TMEM108: variants seen among roughly 807,000 people sequenced by gnomAD.
The protein encoded by TMEM108 is transmembrane protein 108.
A neutral mutation model predicts 35.1 loss-of-function variants in TMEM108; 12 were observed. The ratio of observed to expected loss-of-function variants is 0.34; its 90% CI spans 0.22 to 0.55. The LOEUF (loss-of-function observed/expected upper bound fraction) is 0.55. Ranked by LOEUF, TMEM108 falls within the 20% of genes least tolerant of loss-of-function variation. The pLI is 0.89. For synonymous variants in TMEM108, 287 were observed against 308.6 expected (o/e 0.93, Z 0.73); for missense variants, 680 against 753.3 (o/e 0.90, Z 1.14).
chr3:133,293,882 A>G (rs1201320082), intron 3 of TMEM108, among the ~76,000 whole-genome samples: 3 of 152,150 alleles, frequency 2.0e-5, no homozygotes, highest in Non-Finnish European at 4.4e-5. Context: ...GAGGTTGTCA[A>G]CTTGAATTTT....
In TMEM108 at chr3:133,216,045, G is replaced by A. The variant is rs542985803; in HGVS notation, c.-46-13221G>A. ...GTTTTAGTATCTGATAAGGCCAGCA[G>A]TTGCCCCCACACCACCTTGTTTTTT... On this transcript the variant is annotated intron_variant, in intron 2 of 5. Coordinates refer to ENST00000321871, the MANE Select transcript of TMEM108 (RefSeq NM_023943.4). 3.3e-5 allele frequency among the ~76,000 whole-genome samples: 5 copies of A among 152,096 alleles called. No individual in the cohort carries two copies. The South Asian group carries it at 1.0e-3, about 32-fold the overall frequency.
intron 2 of TMEM108, among the ~76,000 whole-genome samples, chr3:133,128,204 C>A (rs557963059): frequency 2.2e-4 from 33 of 152,146 alleles, no homozygotes; most frequent in Non-Finnish European, 4.7e-4. Context: ...CTCTTGGGTA[C>A]CTGGCACTTG....
Position 133,254,284 on chromosome 3 carries a change from G to A in TMEM108, c.40+24933G>A, listed in dbSNP as rs544783747. ...TGAACAAACCTATTGGTCAGTAGTGGCTCTTAGTGGAGAAAAAAATAGTGA... is the reference window on the plus strand; with the variant it reads ...TGAACAAACCTATTGGTCAGTAGTGACTCTTAGTGGAGAAAAAAATAGTGA... On this transcript the variant is annotated intron_variant, in intron 3 of 5. Coordinates refer to ENST00000321871, the MANE Select transcript of TMEM108 (RefSeq NM_023943.4). Among the ~76,000 whole-genome samples, 12 of 152,324 alleles carry A rather than the reference G, an allele frequency of 7.9e-5. No homozygotes were observed. The East Asian group carries it at 2.3e-3, about 29-fold the overall frequency.
intron 2 of TMEM108, among the ~76,000 whole-genome samples, chr3:133,203,899 A>G (rs942387659): frequency 1.3e-5 from 2 of 152,170 alleles, no homozygotes; most frequent in Non-Finnish European, 2.9e-5. Flanking sequence ...CCTCTGGTAA[A>G]ATTCAGCTGT....
chr3:133,139,615 C>T (rs896565851), intron 2 of TMEM108, among the ~76,000 whole-genome samples: 3 of 152,194 alleles, frequency 2.0e-5, no homozygotes, highest in East Asian at 1.9e-4. Context: ...TTCCTGTGTA[C>T]GCACAGCTTT....
intron 3 of TMEM108, among the ~76,000 whole-genome samples, chr3:133,290,640 CAAAT>C (rs1947050272): frequency 6.6e-6 from 1 of 150,954 alleles, no homozygotes; most frequent in Non-Finnish European, 1.5e-5. Context: ...ACAAAACAAA[CAAAT>C]AAACAAAAAA....
At chr3:133,113,500 C>G (rs1429781737) in intron 2 of TMEM108, among the ~76,000 whole-genome samples, 2 of 152,092 alleles carry the variant, frequency 1.3e-5, no homozygotes, top group South Asian at 2.1e-4. Context: ...GAGAATGACT[C>G]TTTTATGCAT....
chr3:133,131,055 A>C (rs1333072940), intron 2 of TMEM108, among the ~76,000 whole-genome samples: 1 of 152,162 alleles, frequency 6.6e-6, no homozygotes, highest in African/African-American at 2.4e-5. Context: ...GTGTTCCTGA[A>C]TTGTCATCAG....
chr3:133,293,823 A>G (rs1010263420), intron 3 of TMEM108, among the ~76,000 whole-genome samples: 4 of 152,028 alleles, frequency 2.6e-5, no homozygotes, highest in African/African-American at 9.7e-5. Flanking sequence ...TCTAGTTCAG[A>G]TTGGAAGCAG....
intron 3 of TMEM108, among the ~76,000 whole-genome samples, chr3:133,352,170 T>C (rs1037767195): frequency 3.3e-5 from 5 of 152,162 alleles, no homozygotes; most frequent in Non-Finnish European, 5.9e-5. Flanking sequence ...AGAACATAGC[T>C]TCATTGGGCT....
rs567220347 is a variant in TMEM108 at position 133,108,754 on chromosome 3, G to A, written c.-47+62734G>A. Among the ~76,000 whole-genome samples the A allele has an allele frequency of 1.3e-3, 197 of 150,028 alleles. 1 individual carries two copies. Among genetic ancestry groups the A allele is most frequent in the Middle Eastern group, 3.5e-3 (1 of 288 alleles). On this transcript the variant is annotated intron_variant, in intron 2 of 5. Coordinates refer to ENST00000321871, the MANE Select transcript of TMEM108 (RefSeq NM_023943.4). ...TCGCAAGGACGAAAAACCAAACACC[G>A]CATGTTCTCACTCATAGGTGGGAAT... is the stretch of plus-strand genomic sequence containing the variant.
chr3:133,363,008 C>G (rs2072400109), intron 3 of TMEM108, among the ~76,000 whole-genome samples: 1 of 152,114 alleles, frequency 6.6e-6, no homozygotes, highest in Non-Finnish European at 1.5e-5. Flanking sequence ...TCTAAAGGAG[C>G]CAAGCAGAAT....
chr3:133,256,787 A>C (rs1946553511), intron 3 of TMEM108, among the ~76,000 whole-genome samples: 1 of 152,246 alleles, frequency 6.6e-6, no homozygotes, highest in Non-Finnish European at 1.5e-5. Flanking sequence ...AGGACAAGGC[A>C]GAAATAAATC....
intron 3 of TMEM108, among the ~76,000 whole-genome samples, chr3:133,261,738 A>G (rs746317538): frequency 6.6e-6 from 1 of 152,250 alleles, no homozygotes; most frequent in Non-Finnish European, 1.5e-5. Context: ...TCAAGAAGCC[A>G]TGGTGGCTTT....
intron 2 of TMEM108, among the ~76,000 whole-genome samples, chr3:133,170,785 T>C (rs28539256): frequency 0.18 from 28,080 of 152,146 alleles, 2,691 homozygotes; most frequent in Middle Eastern, 0.26. Flanking sequence ...TACATATTTC[T>C]AGGAATAGAT....
chr3:133,212,388 C>A (rs1945844811), intron 2 of TMEM108, among the ~76,000 whole-genome samples: 1 of 152,080 alleles, frequency 6.6e-6, no homozygotes, highest in Non-Finnish European at 1.5e-5. Context: ...AGTCAAAAAA[C>A]CACTATTCCC....
intron 3 of TMEM108, among the ~76,000 whole-genome samples, chr3:133,307,508 T>A (rs561281605): frequency 6.6e-6 from 1 of 152,332 alleles, no homozygotes; most frequent in East Asian, 1.9e-4. Context: ...GTTTTAGGTC[T>A]AACATTTAAG....
chr3:133,040,591 C>T (rs1205658728), intron 1 of TMEM108, among the ~76,000 whole-genome samples: 1 of 151,996 alleles, frequency 6.6e-6, no homozygotes, highest in African/African-American at 2.4e-5. Flanking sequence ...CTTTTATTTT[C>T]AGAGGAGAGA....
intron 3 of TMEM108, among the ~76,000 whole-genome samples, chr3:133,374,387 T>C (rs1199050113): frequency 6.6e-6 from 1 of 151,990 alleles, no homozygotes; most frequent in African/African-American, 2.4e-5. Context: ...CCTAGTTTAA[T>C]GGGGAAGGAA....
Sources: gnomAD v4.1 joint callset for allele counts (sites outside exome capture counted in the v4.1 genomes callset) on GRCh38, gnomAD v4.1.1 for gene constraint, MANE v1.5 for transcripts, NCBI Gene and HGNC (gene_info 2026-07-23, HGNC 2026-07-21) for gene names.